MED27: variants seen among roughly 807,000 people sequenced by gnomAD.
The protein encoded by MED27 is mediator complex subunit 27, also known as mediator of RNA polymerase II transcription subunit 27.
A neutral mutation model predicts 38.2 loss-of-function variants in MED27; 30 were observed. The ratio of observed to expected loss-of-function variants is 0.79; its 90% CI spans 0.59 to 1.07. The LOEUF (loss-of-function observed/expected upper bound fraction) is 1.07, where lower values mean the gene tolerates loss of function less well. Ranked by LOEUF, MED27 falls within the 50% of genes least tolerant of loss-of-function variation. The pLI, the probability that MED27 is intolerant of heterozygous loss-of-function variation, is 0.00. For missense variants in MED27, 289 were observed against 397.5 expected (o/e 0.73, Z 2.32); for synonymous variants, 122 against 153.5 (o/e 0.79, Z 1.52).
At position 131,883,841 on chromosome 9, in the gene MED27, C is replaced by A. The variant is rs1363204388; in HGVS notation, c.723+217G>T. 6.6e-6 allele frequency among the ~76,000 whole-genome samples: 1 copy of A among 152,224 alleles called. No individual in the cohort carries two copies. The highest frequency in any genetic ancestry group is 2.4e-5 in the African/African-American group (1 of 41,460). On this transcript the variant is annotated intron_variant, in intron 6 of 7. Coordinates refer to ENST00000292035, the MANE Select transcript of MED27 (RefSeq NM_004269.4). This position sits in a 1 kb window ranked among gnomAD's most constrained non-coding sequence, Gnocchi z 4.2. ...CTTGTGCCCCTTTGGGGCCAAGTCC[C>A]TGTACCCACCCTTAGGCAACCACGG... is the stretch of plus-strand genomic sequence containing the variant.
chr9:132,019,579 TAGAG>T (rs1205570381), intron 2 of MED27, among the ~76,000 whole-genome samples: 1 of 152,002 alleles, frequency 6.6e-6, no homozygotes, highest in African/African-American at 2.4e-5. Flanking sequence ...AATTTAACAA[TAGAG>T]AAAGGCCAAA....
chr9:132,040,739 G>A (rs1451036720), intron 2 of MED27, among the ~76,000 whole-genome samples: 2 of 152,166 alleles, frequency 1.3e-5, no homozygotes, highest in East Asian at 1.9e-4. Flanking sequence ...CTGCCGGTAC[G>A]CCCTGTGCAC....
At chr9:131,879,966 C>T (rs1216118726) in intron 6 of MED27, among the ~76,000 whole-genome samples, 2 of 152,370 alleles carry the variant, frequency 1.3e-5, no homozygotes, top group East Asian at 1.9e-4. Flanking sequence ...AAATACTTAA[C>T]GTCACCCCAT....
chr9:131,952,449 ACT>A (rs1443631158), intron 3 of MED27, among the ~76,000 whole-genome samples: 4 of 152,068 alleles, frequency 2.6e-5, no homozygotes, highest in Non-Finnish European at 4.4e-5. Flanking sequence ...TTTCATGTTC[ACT>A]GTTTCTCCAC....
intron 4 of MED27, among the ~76,000 whole-genome samples, chr9:131,930,695 G>C (rs1487815586): frequency 6.6e-6 from 1 of 152,178 alleles, no homozygotes; most frequent in Non-Finnish European, 1.5e-5. Flanking sequence ...GCTGGTAATA[G>C]TGAGCACACA....
chr9:132,050,784 T>G (rs1307859590), intron 2 of MED27, among the ~76,000 whole-genome samples: 3 of 152,218 alleles, frequency 2.0e-5, no homozygotes, highest in African/African-American at 7.2e-5. Flanking sequence ...TCTGTAGCCC[T>G]TATCCTGCAT....
At chr9:132,054,337 T>C (rs1201392046) in intron 2 of MED27, among the ~76,000 whole-genome samples, 1 of 152,190 alleles carries the variant, frequency 6.6e-6, no homozygotes, top group Admixed American at 6.5e-5. Flanking sequence ...AAGTAAGAGC[T>C]CCCTGAGGCC....
intron 2 of MED27, among the ~76,000 whole-genome samples, chr9:132,065,552 C>T (rs1199565162): frequency 3.3e-5 from 5 of 152,208 alleles, no homozygotes; most frequent in South Asian, 2.1e-4. Context: ...TGAGACACCC[C>T]GCAAAGATGC....
chr9:131,991,895 G>A (rs1372163522), intron 3 of MED27, among the ~76,000 whole-genome samples: 2 of 152,036 alleles, frequency 1.3e-5, no homozygotes, highest in African/African-American at 4.8e-5. Context: ...CTAAGTTTTT[G>A]TATCTTTAGT....
At chr9:132,029,054 T>C (rs1331234293) in intron 2 of MED27, among the ~76,000 whole-genome samples, 2 of 152,230 alleles carry the variant, frequency 1.3e-5, no homozygotes, top group Non-Finnish European at 2.9e-5. Context: ...GACACAGCTC[T>C]TGTTGGTTCA....
In MED27 at chr9:131,913,046, A is replaced by G. The variant is rs923418512; in HGVS notation, c.574-19054T>C. ...CCAACTGCACACTAAATTTATCAAC[A>G]AAACAATCATTTGATAACGCTTGTG... On this transcript the variant is annotated intron_variant, in intron 4 of 7. Transcript: ENST00000292035. The surrounding 1 kb of genome is among the most constrained non-coding windows in gnomAD (Gnocchi z 4.5). 6.6e-6 allele frequency among the ~76,000 whole-genome samples: 1 copy of G among 152,270 alleles called. No homozygotes were observed. The highest frequency in any genetic ancestry group is 6.5e-5 in the Admixed American group (1 of 15,292).
intron 3 of MED27, among the ~76,000 whole-genome samples, chr9:131,955,620 A>G (rs1383052595): frequency 6.6e-6 from 1 of 152,216 alleles, no homozygotes; most frequent in Admixed American, 6.5e-5. Flanking sequence ...CTATGAACCA[A>G]TCTCTTCGAC....
Position 131,936,147 on chromosome 9 carries a change from A to AAAG in MED27, c.573+3233_573+3234insCTT, listed in dbSNP as rs1554757790. Among the ~76,000 whole-genome samples, 130 of 150,562 alleles carry AAAG rather than the reference A, an allele frequency of 8.6e-4. 1 individual carries two copies. The East Asian group carries it at 0.01, about 12-fold the overall frequency. ...GACCCTGTCTCAAAAAAAAAAAAAA[A>AAAG]AAAGAAAGAAAGAAAGAAAGAAAGA... On this transcript the variant is annotated intron_variant, in intron 4 of 7. Transcript: ENST00000292035.
chr9:131,978,137 C>T (rs774850839), intron 3 of MED27, among the ~76,000 whole-genome samples: 15 of 152,142 alleles, frequency 9.9e-5, no homozygotes, highest in Non-Finnish European at 1.5e-4. Flanking sequence ...ACCCAGCCAC[C>T]AAATCTACAG....
intron 2 of MED27, chr9:132,073,335 T>G: frequency 1.0e-6 from 1 of 991,708 alleles, no homozygotes; most frequent in South Asian, 4.7e-5. Flanking sequence ...GGTTGTAAAT[T>G]AAAAATTCAA....
chr9:131,896,548 T>C (rs1829836129), intron 4 of MED27, among the ~76,000 whole-genome samples: 1 of 152,118 alleles, frequency 6.6e-6, no homozygotes, highest in South Asian at 2.1e-4. Context: ...AAAATATAAA[T>C]GTTTATTATG....
intron 6 of MED27, chr9:131,868,638 C>T (rs1838775176): frequency 1.0e-6 from 1 of 985,490 alleles, no homozygotes; most frequent in Non-Finnish European, 1.2e-6. Context: ...GGAAGATGCA[C>T]ATAGTGGGTG....
intron 2 of MED27, among the ~76,000 whole-genome samples, chr9:132,066,276 G>A (rs1355064169): frequency 6.6e-6 from 1 of 152,174 alleles, no homozygotes; most frequent in Non-Finnish European, 1.5e-5. Flanking sequence ...GAATGCATTC[G>A]CAAAAGTGCA....
In MED27 at chr9:131,883,680, G is replaced by T. The variant is rs1327557437; in HGVS notation, c.723+378C>A. Among the ~76,000 whole-genome samples, 1 of 152,130 alleles carries T rather than the reference G, an allele frequency of 6.6e-6. No individual in the cohort carries two copies. On this transcript the variant is annotated intron_variant, in intron 6 of 7. Transcript: ENST00000292035. The surrounding 1 kb of genome is among the most constrained non-coding windows in gnomAD (Gnocchi z 4.2). The stretch of plus-strand genomic sequence containing the variant: ...TTTTTGGAACATCTCAAAAACCTAT[G>T]GTTTTCCTAAGGTATAATTTACATA...
Sources: gnomAD v4.1 joint callset for allele counts (sites outside exome capture counted in the v4.1 genomes callset) on GRCh38, gnomAD v4.1.1 for gene constraint, Gnocchi (gnomAD v3.1) non-coding constraint, MANE v1.5 for transcripts, NCBI Gene and HGNC (gene_info 2026-07-23, HGNC 2026-07-21) for gene names.